The following SLC24A3 variants were observed in gnomAD, a reference collection of about 807,000 sequenced individuals.
SLC24A3 encodes the protein solute carrier family 24 member 3.
Under a neutral mutation model 75.8 loss-of-function variants are expected in SLC24A3, and 28 were observed. That is an observed-to-expected ratio of 0.37 (90% CI 0.27 to 0.51). SLC24A3 has a LOEUF of 0.51. Ranked by LOEUF, SLC24A3 falls within the 20% of genes least tolerant of loss-of-function variation. SLC24A3 has a pLI of 0.94. For synonymous variants in SLC24A3, 372 were observed against 334.1 expected (o/e 1.11, Z -1.24); for missense variants, 663 against 847.8 (o/e 0.78, Z 2.71).
At chr20:19,357,407 T>C (rs1305675229) in intron 2 of SLC24A3, among the ~76,000 whole-genome samples, 1 of 152,216 alleles carries the variant, frequency 6.6e-6, no homozygotes, top group Non-Finnish European at 1.5e-5. Flanking sequence ...AAATTCAGCT[T>C]CTGTTCACAA....
At chr20:19,546,859 T>A (rs919047939) in intron 3 of SLC24A3, among the ~76,000 whole-genome samples, 3 of 152,122 alleles carry the variant, frequency 2.0e-5, no homozygotes, top group African/African-American at 4.8e-5. Context: ...TGAGGAAGCA[T>A]CCCCCACGCC....
At chr20:19,668,883 C>T (rs1022595918) in intron 8 of SLC24A3, among the ~76,000 whole-genome samples, 3 of 152,202 alleles carry the variant, frequency 2.0e-5, no homozygotes, top group Admixed American at 2.0e-4. Flanking sequence ...ATGGCTGCTG[C>T]AGCCCCAGCC....
At chr20:19,528,136 A>G (rs1206810605) in intron 3 of SLC24A3, among the ~76,000 whole-genome samples, 3 of 152,112 alleles carry the variant, frequency 2.0e-5, no homozygotes, top group Non-Finnish European at 4.4e-5. Context: ...GGCTCCTGAA[A>G]ATTTTCCCAA....
At chr20:19,400,034 A>T (rs1423210118) in intron 2 of SLC24A3, among the ~76,000 whole-genome samples, 1 of 152,172 alleles carries the variant, frequency 6.6e-6, no homozygotes, top group East Asian at 1.9e-4. Context: ...GTCTCTACGT[A>T]ACTTTTGGAA....
chr20:19,678,516 A>AC (rs1439498239), intron 9 of SLC24A3, among the ~76,000 whole-genome samples: 9 of 98,678 alleles, frequency 9.1e-5, no homozygotes, highest in African/African-American at 3.7e-4. Flanking sequence ...CGGGGGGCTG[A>AC]CCCCCCAACC....
At position 19,681,120 on chromosome 20, in the gene SLC24A3, A is replaced by G. The variant is rs113247940; in HGVS notation, c.768-738A>G. On this transcript the variant is annotated intron_variant, in intron 9 of 16. Coordinates refer to ENST00000328041, the MANE Select transcript of SLC24A3 (RefSeq NM_020689.4). ...CTCATACTAAAGCTAGGGAGACTGT[A>G]AAAAACCATCCTCGGAACTTGTACA... 6.0e-3 allele frequency among the ~76,000 whole-genome samples: 911 copies of G among 152,290 alleles called. 2 individuals carry two copies. The highest frequency in any genetic ancestry group is 0.027 in the Middle Eastern group (8 of 294).
At chr20:19,365,159 C>T (rs565237592) in intron 2 of SLC24A3, among the ~76,000 whole-genome samples, 1 of 152,206 alleles carries the variant, frequency 6.6e-6, no homozygotes, top group Non-Finnish European at 1.5e-5. Context: ...CTACTGGCCC[C>T]TTCAGCTTGA....
At chr20:19,668,020 A>G (rs2122724030) in intron 8 of SLC24A3, among the ~76,000 whole-genome samples, 1 of 152,166 alleles carries the variant, frequency 6.6e-6, no homozygotes, top group East Asian at 1.9e-4. Context: ...GTGTGTCTTG[A>G]TCTATCTGGG....
At chr20:19,293,023 C>G (rs1983978190) in intron 2 of SLC24A3, among the ~76,000 whole-genome samples, 1 of 152,072 alleles carries the variant, frequency 6.6e-6, no homozygotes, top group Non-Finnish European at 1.5e-5. Flanking sequence ...GGTCCTACCC[C>G]CTGCCTTGGG....
At chr20:19,221,039 A>C (rs1392976701) in intron 1 of SLC24A3, among the ~76,000 whole-genome samples, 1 of 152,170 alleles carries the variant, frequency 6.6e-6, no homozygotes, top group African/African-American at 2.4e-5. Flanking sequence ...ATTTAAACTT[A>C]AACTTCTCTC....
intron 3 of SLC24A3, among the ~76,000 whole-genome samples, chr20:19,552,126 G>C (rs6046177): frequency 1.3e-5 from 2 of 152,008 alleles, no homozygotes; most frequent in Non-Finnish European, 2.9e-5. Flanking sequence ...TTGTTAGTAC[G>C]TTCCTAGAAG....
At chr20:19,479,476 G>A (rs1787959864) in intron 2 of SLC24A3, among the ~76,000 whole-genome samples, 1 of 152,216 alleles carries the variant, frequency 6.6e-6, no homozygotes, top group Non-Finnish European at 1.5e-5. Flanking sequence ...TCTCATGCTG[G>A]CTTGGAATGG....
intron 7 of SLC24A3, among the ~76,000 whole-genome samples, chr20:19,654,645 T>C (rs1267488388): frequency 7.4e-6 from 1 of 134,600 alleles, no homozygotes; most frequent in Non-Finnish European, 1.5e-5. Flanking sequence ...AGAATCCTTT[T>C]TTTTTTTTTT....
intron 1 of SLC24A3, chr20:19,257,580 C>T (rs1217736481): frequency 6.6e-6 from 1 of 152,190 alleles, no homozygotes; most frequent in African/African-American, 2.4e-5. Context: ...ATCTTTTTAC[C>T]TTAGTTCTCC....
At chr20:19,230,922 T>C (rs1318755900) in intron 1 of SLC24A3, among the ~76,000 whole-genome samples, 1 of 152,184 alleles carries the variant, frequency 6.6e-6, no homozygotes, top group Non-Finnish European at 1.5e-5. Context: ...AGATTTTAGC[T>C]TGAAATTTTT....
intron 1 of SLC24A3, chr20:19,264,233 T>G (rs917248424): frequency 2.0e-5 from 3 of 152,064 alleles, no homozygotes; most frequent in African/African-American, 7.2e-5. Context: ...TTAAGAGACA[T>G]TGTTTCCAAG....
intron 8 of SLC24A3, among the ~76,000 whole-genome samples, chr20:19,667,218 T>C (rs1202568780): frequency 6.6e-6 from 1 of 152,224 alleles, no homozygotes; most frequent in African/African-American, 2.4e-5. Flanking sequence ...ATACTTTTGC[T>C]AACTCTCCTC....
chr20:19,669,076 C>A lies in SLC24A3; in HGVS notation c.713+3187C>A, dbSNP rs533209531. Reference sequence around the variant, plus strand: ...TGCTCAGGGCCTGGGGTCAGGCGCACCCTCTTTGAGATCAGAAGGGCTCCA... The same window carrying A: ...TGCTCAGGGCCTGGGGTCAGGCGCAACCTCTTTGAGATCAGAAGGGCTCCA... On this transcript the variant is annotated intron_variant, in intron 8 of 16. Transcript: ENST00000328041. Among the ~76,000 whole-genome samples, 32 of 152,304 alleles carry A rather than the reference C, an allele frequency of 2.1e-4. No individual in the cohort carries two copies. In the East Asian group the frequency reaches 5.0e-3, roughly 24 times the overall value.
intron 1 of SLC24A3, among the ~76,000 whole-genome samples, chr20:19,275,767 G>A (rs780592613): frequency 4.6e-5 from 7 of 152,092 alleles, no homozygotes; most frequent in Non-Finnish European, 1.5e-5. Flanking sequence ...TTTTCGAGTT[G>A]AGAGCTTGGT....
Sources: gnomAD v4.1 joint callset for allele counts (sites outside exome capture counted in the v4.1 genomes callset) on GRCh38, gnomAD v4.1.1 for gene constraint, MANE v1.5 for transcripts, NCBI Gene and HGNC (gene_info 2026-07-23, HGNC 2026-07-21) for gene names.